The following LDB3 variants were observed in gnomAD, a reference collection of about 807,000 sequenced individuals.
LDB3 encodes LIM domain binding 3, also known as LIM domain-binding protein 3.
LDB3 carries 49 observed loss-of-function variants against 69.0 expected under a neutral mutation model. That is an observed-to-expected ratio of 0.71 (90% CI 0.56 to 0.90). LDB3 has a LOEUF of 0.90. LDB3 is among the 40% of genes least tolerant of loss of function. LDB3 has a pLI of 0.00. For synonymous variants in LDB3, 387 were observed against 396.2 expected (o/e 0.98, Z 0.28); for missense variants, 928 against 974.1 (o/e 0.95, Z 0.63).
intron 9 of LDB3, among the ~76,000 whole-genome samples, chr10:86,714,849 G>A (rs1846804579): frequency 6.6e-6 from 1 of 152,184 alleles, no homozygotes; most frequent in Admixed American, 6.5e-5. Flanking sequence ...GAGCCACCAT[G>A]CCCAACCGGT....
rs777547764 is a variant in LDB3, at chr10:86,709,972, A to G, written c.1153A>G (p.Ser385Gly). 31 of 1,612,930 alleles carry G rather than the reference A, an allele frequency of 1.9e-5. No individual in the cohort carries two copies. The highest frequency in any genetic ancestry group is 2.5e-5 in the Non-Finnish European group (29 of 1,179,966). Reference protein sequence around the residue: ...SSAPATHTSYSEGPAAPAPKP... With the variant: ...SSAPATHTSYGEGPAAPAPKP... ...AGCACCTGCCACCCACACCAGCTAC[A>G]GTGAGGGCCCCGCCGCCCCTGCACC... The change falls in exon 9 of 14, where the codon AGT (serine) becomes GGT (glycine). Residue 385 changes from serine (S) to glycine (G), a missense_variant. By Grantham distance (56) the Ser-to-Gly change is moderately conservative (BLOSUM62 0). Coordinates refer to ENST00000361373, the MANE Select transcript of LDB3 (RefSeq NM_007078.3).
At chr10:86,679,684 G>A (rs1191924188) in intron 3 of LDB3, among the ~76,000 whole-genome samples, 166 bp downstream of exon 3, 1 of 152,230 alleles carries the variant, frequency 6.6e-6, no homozygotes, top group African/African-American at 2.4e-5. Context: ...ACAGGCCCAA[G>A]TCGCTGTCAA....
intron 3 of LDB3, 53 bp downstream of exon 3, chr10:86,679,571 G>A: frequency 6.3e-7 from 1 of 1,593,754 alleles, no homozygotes. Flanking sequence ...TGGGCATGGG[G>A]CAGGGGCCAA....
Position 86,676,072 on chromosome 10 carries a change from G to T in LDB3, c.94-3295G>T, listed in dbSNP as rs185072417. 1.1e-3 allele frequency among the ~76,000 whole-genome samples: 170 copies of T among 152,334 alleles called. 2 individuals are homozygous for T. Among genetic ancestry groups the T allele is most frequent in the Non-Finnish European group, 1.5e-4 (10 of 68,030 alleles). On this transcript the variant is annotated intron_variant, in intron 2 of 13. Transcript: ENST00000361373. ...CTATGGCAATGAGTCTGGGGGTAAG[G>T]GCTATGTGTATTTTAAGAAATCTCA...
chr10:86,710,532 G>A (rs1222960215), intron 9 of LDB3, among the ~76,000 whole-genome samples: 1 of 152,224 alleles, frequency 6.6e-6, no homozygotes, highest in Non-Finnish European at 1.5e-5. Context: ...GCAGTGAGCC[G>A]AGACTGCACC....
Position 86,699,443 on chromosome 10 carries a change from G to T in LDB3, c.896+6872G>T. 1 of 1,610,352 alleles carries T rather than the reference G, an allele frequency of 6.2e-7. No homozygotes were observed. Among genetic ancestry groups the T allele is most frequent in the Non-Finnish European group, 8.5e-7 (1 of 1,178,992 alleles). ...CCATCCTTACCCCCACACAGATCTG[G>T]CATGTGAGCCCCACGGTGATGCTTG... On this transcript the variant is annotated intron_variant, in intron 7 of 13. Coordinates refer to ENST00000361373, the MANE Select transcript of LDB3 (RefSeq NM_007078.3). The surrounding 1 kb of genome is among the most constrained non-coding windows in gnomAD (Gnocchi z 4.9).
chr10:86,699,364 T>C lies in LDB3; in HGVS notation c.896+6793T>C. Reference sequence around the variant, plus strand: ...GGCCTTTCAGCCCAAATCCTTAATGTTAAAAGCTAAAAGGCTGCCTGGAAT... The same window carrying C: ...GGCCTTTCAGCCCAAATCCTTAATGCTAAAAGCTAAAAGGCTGCCTGGAAT... On this transcript the variant is annotated intron_variant, in intron 7 of 13. Transcript: ENST00000361373. This position sits in a 1 kb window ranked among gnomAD's most constrained non-coding sequence, Gnocchi z 4.9. The C allele has an allele frequency of 6.2e-7, 1 of 1,613,816 alleles. No individual in the cohort carries two copies.
intron 6 of LDB3, among the ~76,000 whole-genome samples, 169 bp downstream of exon 6, chr10:86,692,234 CA>C (rs1845800149): frequency 6.6e-6 from 1 of 152,248 alleles, no homozygotes; most frequent in Non-Finnish European, 1.5e-5. Context: ...GCCTCTCAGG[CA>C]GGCTGTCCGG....
chr10:86,687,192 G>A lies in LDB3; in HGVS notation c.690-4704G>A, dbSNP rs745413406. 19 of 1,614,100 alleles carry A rather than the reference G, an allele frequency of 1.2e-5. No homozygotes were observed. Among genetic ancestry groups the A allele is most frequent in the South Asian group, 4.4e-5 (4 of 91,088 alleles). ...CCATCATCCATGCGCAGTACAACAC[G>A]CCCATCAGCATGTATTCCCAGGATG... On this transcript the variant is annotated intron_variant, in intron 5 of 13. Transcript: ENST00000361373.
In LDB3 at chr10:86,734,430, G is replaced by A. The variant is rs984274441; in HGVS notation, c.*1454G>A. 6.6e-6 allele frequency: 1 copy of A among 152,214 alleles called. No individual in the cohort carries two copies. Among genetic ancestry groups the A allele is most frequent in the Non-Finnish European group, 1.5e-5 (1 of 68,042 alleles). The allele number at this position is 152,214 out of a possible 1,614,324, so 9.4% of individuals were successfully genotyped here. A position where few individuals can be genotyped will look rare whatever the true frequency, so the allele number is the denominator to read the frequency against. ...TGTTAATATGCTCATTGAAAACATG[G>A]CATTGAAGCAGGCACTTGCGTGGAT... On this transcript the variant is annotated 3_prime_UTR_variant, in exon 14 of 14. Transcript: ENST00000361373.
upstream of LDB3, among the ~76,000 whole-genome samples, chr10:86,668,122 AC>A (rs1320178323): frequency 6.6e-6 from 1 of 152,230 alleles, no homozygotes; most frequent in East Asian, 1.9e-4. Context: ...AAGCCAAGGC[AC>A]CTCCAGGGCC....
Position 86,679,526 on chromosome 10 carries a change from G to A in LDB3, c.245+8G>A, listed in dbSNP as rs1221786234. The A allele has an allele frequency of 6.2e-7, 1 of 1,613,510 alleles. No individual in the cohort carries two copies. Among genetic ancestry groups the A allele is most frequent in the Non-Finnish European group, 8.5e-7 (1 of 1,179,970 alleles). On this transcript the variant is annotated splice_region_variant and intron_variant, in intron 3 of 13. Coordinates refer to ENST00000361373, the MANE Select transcript of LDB3 (RefSeq NM_007078.3). ...GAGCCTCACCCTGCAGAAGTAGGTG[G>A]GAGCTCTCCAGAGCAGGGGGCGGAG...
At chr10:86,727,512 C>T (rs1589686281) in intron 13 of LDB3, among the ~76,000 whole-genome samples, 1 of 152,294 alleles carries the variant, frequency 6.6e-6, no homozygotes, top group East Asian at 1.9e-4. Context: ...TTCCATACCC[C>T]GCCATCTGTG....
intron 7 of LDB3, among the ~76,000 whole-genome samples, chr10:86,702,434 A>G (rs1846295734): frequency 6.6e-6 from 1 of 152,238 alleles, no homozygotes; most frequent in African/African-American, 2.4e-5. Context: ...GCAGGGGCAC[A>G]CAGTCAACAT....
chr10:86,675,457 C>G (rs1391248466), intron 2 of LDB3, among the ~76,000 whole-genome samples: 2 of 152,252 alleles, frequency 1.3e-5, no homozygotes, highest in Non-Finnish European at 2.9e-5. Flanking sequence ...GTCAGCATCT[C>G]CTCTGTGACC....
At chr10:86,722,931 T>C (rs1340379243) in intron 12 of LDB3, among the ~76,000 whole-genome samples, 2 of 152,056 alleles carry the variant, frequency 1.3e-5, no homozygotes, top group African/African-American at 4.8e-5. Context: ...ACTATTTAAT[T>C]AGGTTGTTTG....
chr10:86,668,085 G>A (rs1224035657), upstream of LDB3, among the ~76,000 whole-genome samples: 1 of 152,194 alleles, frequency 6.6e-6, no homozygotes, highest in African/African-American at 2.4e-5. Context: ...CCCTGGGCCA[G>A]TCACAGACCA....
Position 86,716,427 on chromosome 10 carries a change from C to T in LDB3, c.1332C>T (p.Ala444=), listed in dbSNP as rs1441065258. 1 of 1,568,654 alleles carries T rather than the reference C, an allele frequency of 6.4e-7. No homozygotes were observed. Among genetic ancestry groups the T allele is most frequent in the East Asian group, 2.3e-5 (1 of 43,264 alleles). ...CCTACACCCCCTCCCCTGCCCCTGC[C>T]TACACCCCCTCACCTGTCCCCACCT... ...APAYTPSPAP[A]YTPSPVPTYT... The change falls in exon 10 of 14, where the codon GCC becomes GCT. Residue 444 remains alanine (A), a synonymous_variant. Transcript: ENST00000361373.
chr10:86,680,978 C>A (rs563961640), intron 4 of LDB3, among the ~76,000 whole-genome samples: 49 of 152,324 alleles, frequency 3.2e-4, no homozygotes, highest in African/African-American at 1.1e-3. Flanking sequence ...GTGAGCTACC[C>A]AATTCCTCAG....
Sources: allele counts gnomAD v4.1 joint callset (sites outside exome capture counted in the v4.1 genomes callset), GRCh38; gene constraint gnomAD v4.1.1; non-coding constraint Gnocchi (gnomAD v3.1); transcripts MANE v1.5; gene names NCBI Gene and HGNC (gene_info 2026-07-23, HGNC 2026-07-21).